The following PIK3AP1 variants were observed in gnomAD, a reference collection of about 807,000 sequenced individuals.
PIK3AP1 encodes phosphoinositide 3-kinase adapter protein 1.
A neutral mutation model predicts 88.1 loss-of-function variants in PIK3AP1; 21 were observed. The observed-to-expected ratio is 0.24, with a 90% CI of 0.17 to 0.34. PIK3AP1 has a LOEUF of 0.34. Ranked by LOEUF, PIK3AP1 falls within the 10% of genes least tolerant of loss-of-function variation. The pLI, the probability that PIK3AP1 is intolerant of heterozygous loss-of-function variation, is 1.00. For missense variants in PIK3AP1, 828 were observed against 1,035.7 expected, an observed-to-expected ratio of 0.80 and a Z score of 2.75; for synonymous variants, 398 against 400.0, an observed-to-expected ratio of 1.00 and a Z score of 0.06.
intron 16 of PIK3AP1, among the ~76,000 whole-genome samples, chr10:96,598,516 T>C (rs1018706942): frequency 6.6e-6 from 1 of 152,138 alleles, no homozygotes; most frequent in Admixed American, 6.5e-5. Flanking sequence ...TTTAAGTTCC[T>C]AGTATGTGCC....
At chr10:96,683,024 C>T (rs991418639) in intron 2 of PIK3AP1, among the ~76,000 whole-genome samples, 1 of 152,178 alleles carries the variant, frequency 6.6e-6, no homozygotes, top group African/African-American at 2.4e-5. Context: ...CACAAGTCTC[C>T]AGGATTTGGT....
rs371244901 is a variant in PIK3AP1 at position 96,645,528 on chromosome 10, G to A, written c.1320C>T (p.Asp440=). Residue 440 remains aspartate (D), a synonymous_variant, in exon 8 of 17, where the codon GAC becomes GAT. Coordinates refer to ENST00000339364, the MANE Select transcript of PIK3AP1 (RefSeq NM_152309.3). ...CAGCCATGGACTCATAGAGATCCTC[G>A]TCACAGCCGGGGTTGAGCGAGCATT... is the stretch of plus-strand genomic sequence containing the variant. ...LMKCSLNPGC[D]EDLYESMAAF... 18 of 1,613,956 alleles carry A rather than the reference G, an allele frequency of 1.1e-5. No homozygotes were observed. Among genetic ancestry groups the A allele is most frequent in the African/African-American group, 4.0e-5 (3 of 74,914 alleles).
In PIK3AP1 at chr10:96,651,422, C is replaced by T. The variant is rs771073429; in HGVS notation, c.856-42G>A. On this transcript the variant is annotated intron_variant, in intron 5 of 16. Transcript: ENST00000339364. Reference sequence around the variant, plus strand: ...AGATGGTCAGATCTGAAATCCAGCTCTCTTCCATCCCGCAGATTCAAGACT... The same window carrying T: ...AGATGGTCAGATCTGAAATCCAGCTTTCTTCCATCCCGCAGATTCAAGACT... The T allele has an allele frequency of 1.6e-5, 26 of 1,613,992 alleles. 1 individual carries two copies. In the South Asian group the frequency reaches 2.9e-4, roughly 18 times the overall value.
chr10:96,708,574 C>CAAAAAAAA (rs924470384), intron 2 of PIK3AP1, among the ~76,000 whole-genome samples: 1 of 12,824 alleles, frequency 7.8e-5, no homozygotes, highest in African/African-American at 2.2e-4. Flanking sequence ...GGATCTGTCT[C>CAAAAAAAA]AAAAAAAAAA....
At position 96,704,039 on chromosome 10, in the gene PIK3AP1, A is replaced by C. The variant is rs1844331668; in HGVS notation, c.430+5528T>G. 1.3e-5 allele frequency among the ~76,000 whole-genome samples: 2 copies of C among 152,264 alleles called. 1 individual carries two copies. The highest frequency in any genetic ancestry group is 4.1e-4 in the South Asian group (2 of 4,838). ...AGTAGTAATTTTGATCAAGGGGCTT[A>C]TTAAATGAAGAAAGAGTAAAGATTG... On this transcript the variant is annotated intron_variant, in intron 2 of 16. Transcript: ENST00000339364.
At chr10:96,613,787 G>C (rs980550416) in intron 13 of PIK3AP1, among the ~76,000 whole-genome samples, 27 of 152,144 alleles carry the variant, frequency 1.8e-4, no homozygotes, top group African/African-American at 6.5e-4. Flanking sequence ...GCTGGTGTGT[G>C]GGCCTCTGTG....
At chr10:96,602,203 T>C in intron 16 of PIK3AP1, 77 bp downstream of exon 16, 1 of 1,209,914 alleles carries the variant, frequency 8.3e-7, no homozygotes, top group South Asian at 1.3e-5. Context: ...TCTTTAGTCA[T>C]CTTAGGTGTT....
chr10:96,655,784 T>G (rs1240269281), intron 3 of PIK3AP1, among the ~76,000 whole-genome samples: 1 of 152,202 alleles, frequency 6.6e-6, no homozygotes, highest in Non-Finnish European at 1.5e-5. Context: ...AGACATGCCT[T>G]TCCTCCTCCT....
chr10:96,619,746 C>A (rs1334099312), intron 12 of PIK3AP1, among the ~76,000 whole-genome samples: 1 of 152,226 alleles, frequency 6.6e-6, no homozygotes, highest in Non-Finnish European at 1.5e-5. Flanking sequence ...TCTGACACCC[C>A]AGTCCTCCAA....
intron 13 of PIK3AP1, among the ~76,000 whole-genome samples, chr10:96,612,171 C>T (rs1220192579): frequency 6.6e-6 from 1 of 152,126 alleles, no homozygotes; most frequent in African/African-American, 2.4e-5. Context: ...ACCCAAGTTT[C>T]CTGGGACCCG....
chr10:96,707,539 C>T (rs1026028857), intron 2 of PIK3AP1, among the ~76,000 whole-genome samples: 46 of 152,070 alleles, frequency 3.0e-4, no homozygotes, highest in Non-Finnish European at 5.1e-4. Context: ...ATGATCCGCC[C>T]GCCTCGGCCT....
intron 14 of PIK3AP1, among the ~76,000 whole-genome samples, chr10:96,606,996 G>A (rs535887717): frequency 5.3e-5 from 8 of 152,346 alleles, no homozygotes; most frequent in African/African-American, 1.9e-4. Context: ...CAGCCTTTCT[G>A]TTTTGAAATT....
chr10:96,669,003 ACG>A (rs1843804481), intron 2 of PIK3AP1, among the ~76,000 whole-genome samples: 1 of 152,126 alleles, frequency 6.6e-6, no homozygotes, highest in Non-Finnish European at 1.5e-5. Flanking sequence ...GTGGTGGCAC[ACG>A]CCTGTAATCC....
At chr10:96,660,459 G>C (rs1162679922) in intron 2 of PIK3AP1, among the ~76,000 whole-genome samples, 1 of 152,166 alleles carries the variant, frequency 6.6e-6, no homozygotes, top group Non-Finnish European at 1.5e-5. Context: ...GGGCAGAAGC[G>C]AGAACACTGA....
intron 1 of PIK3AP1, among the ~76,000 whole-genome samples, chr10:96,716,143 G>A (rs746873248): frequency 4.0e-5 from 6 of 150,776 alleles, no homozygotes; most frequent in East Asian, 2.0e-4. Flanking sequence ...TTAGCCAGGC[G>A]TGGTGGCATG....
chr10:96,703,030 C>G (rs1028308080), intron 2 of PIK3AP1, among the ~76,000 whole-genome samples: 3 of 152,138 alleles, frequency 2.0e-5, no homozygotes, highest in Non-Finnish European at 2.9e-5. Flanking sequence ...GCACATGCCA[C>G]CACGTCCAGC....
chr10:96,714,548 T>C (rs1466805928), intron 1 of PIK3AP1, among the ~76,000 whole-genome samples: 2 of 152,348 alleles, frequency 1.3e-5, no homozygotes, highest in Admixed American at 6.5e-5. Context: ...GGGTTTCTCA[T>C]ACCATTCTCC....
intron 9 of PIK3AP1, among the ~76,000 whole-genome samples, 158 bp from the exon 10 acceptor site, chr10:96,627,063 A>T (rs1231285069): frequency 6.6e-6 from 1 of 152,218 alleles, no homozygotes; most frequent in Non-Finnish European, 1.5e-5. Context: ...TGCTCAGAAC[A>T]CCACACAAAG....
chr10:96,606,704 A>G (rs1433966832), intron 14 of PIK3AP1, among the ~76,000 whole-genome samples: 3 of 152,222 alleles, frequency 2.0e-5, no homozygotes, highest in African/African-American at 7.2e-5. Context: ...GTATCGGACA[A>G]GCATCTAACG....
Sources: gnomAD v4.1 joint callset for allele counts (sites outside exome capture counted in the v4.1 genomes callset) on GRCh38, gnomAD v4.1.1 for gene constraint, MANE v1.5 for transcripts, NCBI Gene and HGNC (gene_info 2026-07-23, HGNC 2026-07-21) for gene names.